The following FHOD3 variants were observed in gnomAD, a reference collection of about 807,000 sequenced individuals.
The protein encoded by FHOD3 is FH1/FH2 domain-containing protein 3.
In FHOD3, 90 loss-of-function variants were observed where a neutral mutation model predicts 173.0. The observed-to-expected ratio is 0.52, with a 90% confidence interval of 0.44 to 0.62. FHOD3 has a LOEUF of 0.62. FHOD3 is among the 20% of genes least tolerant of loss of function. The pLI is 0.00. For synonymous variants in FHOD3, 828 were observed against 823.0 expected (o/e 1.01, Z -0.10); for missense variants, 1,945 against 2,034.7 (o/e 0.96, Z 0.85).
chr18:36,578,707 G>C (rs2058743865), intron 6 of FHOD3, among the ~76,000 whole-genome samples: 1 of 152,100 alleles, frequency 6.6e-6, no homozygotes, highest in South Asian at 2.1e-4. Context: ...TATGGTTCTA[G>C]TTTTAGGCTG....
chr18:36,439,412 A>G (rs140211648), intron 3 of FHOD3, among the ~76,000 whole-genome samples: 1 of 152,286 alleles, frequency 6.6e-6, no homozygotes, highest in Non-Finnish European at 1.5e-5. Context: ...TATTTGGGTA[A>G]TGAATAAATG....
chr18:36,437,856 A>G lies in FHOD3; in HGVS notation c.338-64076A>G, dbSNP rs921100551. ...TTTTTATATTTTTAGTAGAGATGGG[A>G]TTTCACCATGTTGGCCAGGATGGTC... On this transcript the variant is annotated intron_variant, in intron 3 of 28. Transcript: ENST00000590592. 2.0e-5 allele frequency among the ~76,000 whole-genome samples: 3 copies of G among 151,542 alleles called. No individual in the cohort carries two copies. In the South Asian group the frequency reaches 6.2e-4, roughly 32 times the overall value.
rs187721461 is a variant in FHOD3 at position 36,394,173 on chromosome 18, C to T, written c.337+21429C>T. 3.7e-4 allele frequency among the ~76,000 whole-genome samples: 57 copies of T among 152,176 alleles called. No individual in the cohort carries two copies. In the South Asian group the frequency reaches 9.4e-3, roughly 25 times the overall value. On this transcript the variant is annotated intron_variant, in intron 3 of 28. Coordinates refer to ENST00000590592, the MANE Select transcript of FHOD3 (RefSeq NM_001281740.3). ...TGAGGGAGACCTGGATTTTCTGAGC[C>T]GTCTCCTGGGGAGCATGCTATCTGT... is the stretch of plus-strand genomic sequence containing the variant.
intron 14 of FHOD3, among the ~76,000 whole-genome samples, chr18:36,679,821 T>A (rs1206909764): frequency 6.6e-6 from 1 of 152,196 alleles, no homozygotes; most frequent in East Asian, 1.9e-4. Context: ...TTTTGAGTAG[T>A]CCTTATATAT....
chr18:36,553,161 G>A (rs2057732215), intron 5 of FHOD3, among the ~76,000 whole-genome samples: 1 of 152,190 alleles, frequency 6.6e-6, no homozygotes, highest in Non-Finnish European at 1.5e-5. Context: ...GCATCCCAGG[G>A]ATGAAGCCCA....
intron 27 of FHOD3, among the ~76,000 whole-genome samples, chr18:36,763,196 ATATACGTTATATATGTGTAC>A (rs2042976083): frequency 6.8e-6 from 1 of 148,110 alleles, no homozygotes; most frequent in Non-Finnish European, 1.5e-5. Context: ...TATGTGTATT[ATATACGTTATATATGTGTAC>A]TATACGTTAT....
chr18:36,400,352 T>G (rs1316787888), intron 3 of FHOD3, among the ~76,000 whole-genome samples: 1 of 152,220 alleles, frequency 6.6e-6, no homozygotes, highest in Non-Finnish European at 1.5e-5. Context: ...TTCCTGTTCC[T>G]CTTCTAAATG....
At chr18:36,462,204 A>G (rs1199796745) in intron 3 of FHOD3, among the ~76,000 whole-genome samples, 2 of 152,144 alleles carry the variant, frequency 1.3e-5, no homozygotes, top group Non-Finnish European at 2.9e-5. Flanking sequence ...CTCACCAGGA[A>G]CAGAGGGAGA....
intron 27 of FHOD3, among the ~76,000 whole-genome samples, chr18:36,764,878 T>C (rs937774842): frequency 9.9e-5 from 15 of 152,076 alleles, no homozygotes; most frequent in African/African-American, 3.4e-4. Context: ...TAGAGAACTG[T>C]AAAAGGAAAG....
chr18:36,379,880 CAAAAT>C (rs1294460343), intron 3 of FHOD3, among the ~76,000 whole-genome samples: 1 of 152,132 alleles, frequency 6.6e-6, no homozygotes, highest in Non-Finnish European at 1.5e-5. Flanking sequence ...TGTCAGGAAA[CAAAAT>C]GCTTTGTCTT....
intron 1 of FHOD3, among the ~76,000 whole-genome samples, chr18:36,328,461 A>G (rs954203779): frequency 1.3e-5 from 2 of 152,106 alleles, no homozygotes; most frequent in East Asian, 1.9e-4. Flanking sequence ...CAGCAAGGAG[A>G]AAGAGGAGCT....
rs2036139125 is a variant in FHOD3 at position 36,652,611 on chromosome 18, A to C, written c.1328A>C (p.Asp443Ala). 1 of 1,534,688 alleles carries C rather than the reference A, an allele frequency of 6.5e-7. No individual in the cohort carries two copies. The highest frequency in any genetic ancestry group is 2.0e-5 in the Admixed American group (1 of 50,956). The change falls in exon 12 of 29, where the codon GAT becomes GCT. Residue 443 changes from aspartate (D) to alanine (A), a missense_variant. Physicochemically the swap from Asp to Ala is moderately radical, Grantham distance 126 (BLOSUM62 -2). Coordinates refer to ENST00000590592, the MANE Select transcript of FHOD3 (RefSeq NM_001281740.3). ...TCAGGGCAGAGCCCCACTGGAAGGG[A>C]TGCTGCTCCCAAGAGCTCTGCCCTC... ...AASGQSPTGR[D>A]AAPKSSALPA...
At chr18:36,744,742 T>G (rs546762198) in intron 23 of FHOD3, among the ~76,000 whole-genome samples, 1 of 152,220 alleles carries the variant, frequency 6.6e-6, no homozygotes, top group Admixed American at 6.5e-5. Context: ...GAGTGCAGAG[T>G]TAATATCTTC....
chr18:36,387,687 G>T (rs1045412000), intron 3 of FHOD3, among the ~76,000 whole-genome samples: 2 of 152,204 alleles, frequency 1.3e-5, no homozygotes, highest in Non-Finnish European at 2.9e-5. Context: ...TAGACCTGTT[G>T]TTGAAATGTG....
intron 4 of FHOD3, among the ~76,000 whole-genome samples, chr18:36,510,859 G>A (rs1380596374): frequency 1.3e-5 from 2 of 152,024 alleles, no homozygotes; most frequent in Admixed American, 6.6e-5. Context: ...CGTTCAGGGC[G>A]CAGACATCAC....
intron 10 of FHOD3, among the ~76,000 whole-genome samples, chr18:36,639,814 GTT>G (rs35647519): frequency 1.2e-4 from 17 of 145,946 alleles, no homozygotes; most frequent in East Asian, 4.0e-4. Context: ...AGAATAAAGT[GTT>G]TTTTTTTTTT....
At chr18:36,486,477 C>T (rs2054197678) in intron 3 of FHOD3, among the ~76,000 whole-genome samples, 1 of 152,212 alleles carries the variant, frequency 6.6e-6, no homozygotes, top group Non-Finnish European at 1.5e-5. Context: ...ATTCTCCCAA[C>T]TCAACCTCCT....
At chr18:36,758,186 GGA>G (rs2042714179) in intron 25 of FHOD3, among the ~76,000 whole-genome samples, 1 of 152,194 alleles carries the variant, frequency 6.6e-6, no homozygotes, top group South Asian at 2.1e-4. Context: ...AATGCCATTT[GGA>G]TGAGGCAGCG....
chr18:36,689,197 C>T (rs1289090175), intron 16 of FHOD3, among the ~76,000 whole-genome samples: 1 of 152,028 alleles, frequency 6.6e-6, no homozygotes, highest in Non-Finnish European at 1.5e-5. Flanking sequence ...TCCTACTAAG[C>T]CAGGAAAAAG....
Sources: gnomAD v4.1 joint callset for allele counts (sites outside exome capture counted in the v4.1 genomes callset) on GRCh38, gnomAD v4.1.1 for gene constraint, MANE v1.5 for transcripts, NCBI Gene and HGNC (gene_info 2026-07-23, HGNC 2026-07-21) for gene names.